The following TSEN15 variants were observed in gnomAD, a reference collection of about 807,000 sequenced individuals.
The protein encoded by TSEN15 is tRNA splicing endonuclease subunit 15, also known as tRNA-splicing endonuclease subunit Sen15.
Under a neutral mutation model 20.5 loss-of-function variants are expected in TSEN15, and 10 were observed. That is an observed-to-expected ratio of 0.49 (90% CI 0.30 to 0.83). TSEN15 has a LOEUF of 0.83. TSEN15 is among the 40% of genes least tolerant of loss of function. The pLI, the probability that TSEN15 is intolerant of heterozygous loss-of-function variation, is 0.06. For synonymous variants in TSEN15, 72 were observed against 80.1 expected, an observed-to-expected ratio of 0.90 and a Z score of 0.54; for missense variants, 180 against 218.6, an observed-to-expected ratio of 0.82 and a Z score of 1.11.
At chr1:184,088,844 G>A (rs1651310135) in intron 3 of TSEN15, among the ~76,000 whole-genome samples, 1 of 152,164 alleles carries the variant, frequency 6.6e-6, no homozygotes, top group Non-Finnish European at 1.5e-5. Context: ...ACCTATGTGA[G>A]ATATTGAGAC....
chr1:184,080,343 G>T (rs886616351), intron 3 of TSEN15, among the ~76,000 whole-genome samples: 1 of 152,178 alleles, frequency 6.6e-6, no homozygotes, highest in Non-Finnish European at 1.5e-5. Flanking sequence ...TTAAGTAATA[G>T]CTCCAGGTAG....
intron 3 of TSEN15, chr1:184,071,944 C>T (rs1451065039): frequency 2.2e-6 from 1 of 451,852 alleles, no homozygotes; most frequent in Non-Finnish European, 3.8e-6. Context: ...CATTCTCTTT[C>T]CTTTCCTTCT....
At chr1:184,057,299 T>C (rs1650283797) in intron 3 of TSEN15, among the ~76,000 whole-genome samples, 1 of 152,114 alleles carries the variant, frequency 6.6e-6, no homozygotes, top group South Asian at 2.1e-4. Context: ...AAAGGGGTGC[T>C]GTAAACCTCT....
chr1:184,065,489 A>G (rs1036461474), intron 3 of TSEN15, among the ~76,000 whole-genome samples: 1 of 152,200 alleles, frequency 6.6e-6, no homozygotes, highest in South Asian at 2.1e-4. Context: ...TCAGTGCCAT[A>G]AACATACCCT....
intron 3 of TSEN15, among the ~76,000 whole-genome samples, chr1:184,069,395 A>C (rs1313402523): frequency 6.6e-6 from 1 of 152,116 alleles, no homozygotes; most frequent in Non-Finnish European, 1.5e-5. Context: ...AAAGAATTTT[A>C]TCGTTTATTG....
intron 3 of TSEN15, among the ~76,000 whole-genome samples, chr1:184,058,510 A>T (rs1056058377): frequency 6.6e-6 from 1 of 152,076 alleles, no homozygotes; most frequent in East Asian, 1.9e-4. Context: ...TTAACAGGGC[A>T]GTCTTTTAGG....
At chr1:184,074,812 T>C (rs1191994619), downstream of TSEN15, among the ~76,000 whole-genome samples, 1 of 152,090 alleles carries the variant, frequency 6.6e-6, no homozygotes, top group Non-Finnish European at 1.5e-5. Context: ...GGTATTTGAA[T>C]TTCACTTTTA....
intron 3 of TSEN15, among the ~76,000 whole-genome samples, chr1:184,090,781 T>C (rs1216762394): frequency 6.6e-6 from 1 of 152,196 alleles, no homozygotes; most frequent in African/African-American, 2.4e-5. Context: ...GAAAAGGTGT[T>C]CCATCTCTGA....
At chr1:184,093,020 T>C (rs1206393153) in intron 3 of TSEN15, among the ~76,000 whole-genome samples, 1 of 152,234 alleles carries the variant, frequency 6.6e-6, no homozygotes, top group Admixed American at 6.5e-5. Flanking sequence ...ATTGCCTCTT[T>C]GGCTGTGTGG....
chr1:184,054,808 G>T lies in TSEN15; in HGVS notation c.298G>T (p.Glu100Ter). 6.2e-7 allele frequency: 1 copy of T among 1,612,008 alleles called. No individual in the cohort carries two copies. The highest frequency in any genetic ancestry group is 8.5e-7 in the Non-Finnish European group (1 of 1,179,256). Residue 100 changes from glutamate to a stop codon, truncating the protein, a stop_gained, in exon 3 of 5, where the codon GAG (glutamate) becomes TAG (stop). Coordinates refer to ENST00000645668, the MANE Select transcript of TSEN15 (RefSeq NM_052965.4). LOFTEE classifies it high-confidence loss of function. Reference protein sequence around the residue: ...ICLVGTEIEGEGLQTVVPTPI... With the variant: ...ICLVGTEIEG ...CCTTGTTGGTACTGAGATAGAAGGG[G>T]AGGGGTTACAGACTGTGGTGCCTAC...
chr1:184,058,378 T>A, intron 3 of TSEN15: 1 of 187,700 alleles, frequency 5.3e-6, no homozygotes, highest in Non-Finnish European at 1.1e-5. Context: ...GCCTGATACA[T>A]ACTAGATTTA....
intron 3 of TSEN15, among the ~76,000 whole-genome samples, chr1:184,063,647 A>G (rs886218803): frequency 6.6e-5 from 10 of 152,188 alleles, no homozygotes; most frequent in Non-Finnish European, 1.5e-4. Flanking sequence ...ATTTTTCCCA[A>G]TATAGCTTTT....
chr1:184,064,936 A>G (rs1447363922), intron 3 of TSEN15, among the ~76,000 whole-genome samples: 2 of 152,150 alleles, frequency 1.3e-5, no homozygotes, highest in African/African-American at 2.4e-5. Flanking sequence ...TATCATCGAT[A>G]TACTGATGAC....
chr1:184,057,643 A>G (rs1219725625), intron 3 of TSEN15, among the ~76,000 whole-genome samples: 2 of 152,208 alleles, frequency 1.3e-5, no homozygotes, highest in African/African-American at 4.8e-5. Flanking sequence ...GATCCCTTCT[A>G]AATTAAAGCT....
At chr1:184,086,948 A>C (rs1651272708) in intron 3 of TSEN15, among the ~76,000 whole-genome samples, 1 of 152,168 alleles carries the variant, frequency 6.6e-6, no homozygotes, top group Non-Finnish European at 1.5e-5. Context: ...TTTATGGATA[A>C]TATCTTAAAA....
intron 4 of TSEN15, 63 bp downstream of exon 4, chr1:184,072,361 A>G: frequency 6.8e-7 from 1 of 1,474,650 alleles, no homozygotes; most frequent in Non-Finnish European, 9.1e-7. Flanking sequence ...CGTGATTTTA[A>G]GTGTGACTCA....
At chr1:184,054,177 G>A (rs987231950) in intron 1 of TSEN15, among the ~76,000 whole-genome samples, 177 bp from the exon 2 acceptor site, 27 of 152,144 alleles carry the variant, frequency 1.8e-4, no homozygotes, top group African/African-American at 6.0e-4. Flanking sequence ...AAGTGTGCAT[G>A]TATTTAACAA....
chr1:184,053,356 A>G (rs1230557097), intron 1 of TSEN15, among the ~76,000 whole-genome samples: 1 of 152,180 alleles, frequency 6.6e-6, no homozygotes, highest in Non-Finnish European at 1.5e-5. Flanking sequence ...CTTTTATTTT[A>G]TTATTCTCCT....
At chr1:184,086,539 A>C (rs915250489) in intron 3 of TSEN15, among the ~76,000 whole-genome samples, 2 of 152,212 alleles carry the variant, frequency 1.3e-5, no homozygotes, top group Admixed American at 6.5e-5. Flanking sequence ...GTTTCCATGA[A>C]GATATTAGCT....
Sources: gnomAD v4.1 joint callset for allele counts (sites outside exome capture counted in the v4.1 genomes callset) on GRCh38, gnomAD v4.1.1 for gene constraint, MANE v1.5 for transcripts, NCBI Gene and HGNC (gene_info 2026-07-23, HGNC 2026-07-21) for gene names.